The following MAP2 variants were observed in gnomAD, a reference collection of about 807,000 sequenced individuals.
MAP2 encodes the protein microtubule-associated protein 2.
Under a neutral mutation model 137.6 loss-of-function variants are expected in MAP2, and 14 were observed. The observed-to-expected ratio is 0.10, with a 90% CI of 0.07 to 0.16. The LOEUF (loss-of-function observed/expected upper bound fraction) is 0.16, where lower values mean the gene tolerates loss of function less well. MAP2 is among the 10% of genes least tolerant of loss of function. The pLI is 1.00. For missense variants in MAP2, 2,088 were observed against 2,191.5 expected, an observed-to-expected ratio of 0.95 and a Z score of 0.94; for synonymous variants, 786 against 782.3, an observed-to-expected ratio of 1.00 and a Z score of -0.08.
At chr2:209,611,567 C>G (rs1022311588) in intron 3 of MAP2, among the ~76,000 whole-genome samples, 1 of 151,920 alleles carries the variant, frequency 6.6e-6, no homozygotes. Context: ...TGTTAATACT[C>G]TGTCATAAAG....
intron 5 of MAP2, among the ~76,000 whole-genome samples, chr2:209,658,031 T>C (rs1472720900): frequency 6.6e-6 from 1 of 152,198 alleles, no homozygotes; most frequent in Admixed American, 6.5e-5. Flanking sequence ...GGAATGCATT[T>C]TGGTCCCCAC....
At chr2:209,596,372 A>G (rs940853365) in intron 3 of MAP2, among the ~76,000 whole-genome samples, 17 of 152,240 alleles carry the variant, frequency 1.1e-4, no homozygotes, top group African/African-American at 3.9e-4. Flanking sequence ...TGTATGCAGC[A>G]TGATGCATCT....
intron 2 of MAP2, among the ~76,000 whole-genome samples, chr2:209,562,330 AT>A (rs1047613601): frequency 9.2e-5 from 14 of 151,978 alleles, no homozygotes; most frequent in Non-Finnish European, 2.1e-4. Flanking sequence ...GTAAGATATC[AT>A]TTTCCCCTTT....
intron 4 of MAP2, among the ~76,000 whole-genome samples, chr2:209,644,859 G>T (rs114436833): frequency 0.018 from 2,680 of 150,344 alleles, 80 homozygotes; most frequent in African/African-American, 0.064. Context: ...TGAGAAAATT[G>T]TTTCTTTTTT....
chr2:209,610,894 C>T (rs527770826), intron 3 of MAP2, among the ~76,000 whole-genome samples: 1 of 151,990 alleles, frequency 6.6e-6, no homozygotes, highest in Non-Finnish European at 1.5e-5. Flanking sequence ...ATGAATGGGA[C>T]CCAGGAAGCT....
intron 2 of MAP2, among the ~76,000 whole-genome samples, chr2:209,555,663 A>G (rs2070394011): frequency 1.3e-5 from 2 of 152,176 alleles, no homozygotes. Context: ...TCTTTTATTT[A>G]TCCATTCAGC....
intron 1 of MAP2, among the ~76,000 whole-genome samples, chr2:209,446,686 A>G (rs1443757798): frequency 6.6e-5 from 10 of 151,852 alleles, no homozygotes; most frequent in Admixed American, 6.6e-4. Context: ...TCCCCACCCC[A>G]TTTTGAATAA....
intron 4 of MAP2, among the ~76,000 whole-genome samples, chr2:209,644,836 A>C (rs1481357160): frequency 6.6e-6 from 1 of 152,176 alleles, no homozygotes; most frequent in African/African-American, 2.4e-5. Flanking sequence ...TCAAAATTTT[A>C]AATGAGTAGA....
At chr2:209,730,032 A>G in intron 15 of MAP2, 70 bp downstream of exon 15, 2 of 1,270,112 alleles carry the variant, frequency 1.6e-6, no homozygotes, top group Non-Finnish European at 2.3e-6. Context: ...CTTCATCAAA[A>G]TAGGTCCCAG....
intron 2 of MAP2, among the ~76,000 whole-genome samples, chr2:209,551,407 T>C (rs1427201546): frequency 1.3e-5 from 2 of 152,172 alleles, no homozygotes; most frequent in Non-Finnish European, 2.9e-5. Flanking sequence ...TCATAGTGCA[T>C]TATTCACCCT....
intron 13 of MAP2, chr2:209,710,552 A>C: frequency 3.8e-6 from 1 of 262,366 alleles, no homozygotes; most frequent in East Asian, 7.9e-5. Flanking sequence ...TTTTAACTTG[A>C]GATTAAAGTT....
At chr2:209,606,282 TATAAA>T (rs1283904597) in intron 3 of MAP2, among the ~76,000 whole-genome samples, 1 of 152,156 alleles carries the variant, frequency 6.6e-6, no homozygotes, top group African/African-American at 2.4e-5. Context: ...TGGTTAAAAA[TATAAA>T]AGAAAAACTT....
intron 4 of MAP2, among the ~76,000 whole-genome samples, chr2:209,633,433 C>G (rs1472338542): frequency 1.3e-5 from 2 of 152,170 alleles, no homozygotes; most frequent in Non-Finnish European, 2.9e-5. Flanking sequence ...AAAAGTTTCA[C>G]CGCTTCCAAA....
intron 2 of MAP2, among the ~76,000 whole-genome samples, chr2:209,517,307 C>A (rs1328881650): frequency 1.3e-5 from 2 of 152,002 alleles, no homozygotes; most frequent in African/African-American, 4.8e-5. Context: ...TAACTTTGTG[C>A]TTAGAAAATA....
intron 2 of MAP2, among the ~76,000 whole-genome samples, chr2:209,544,261 A>C (rs1316817243): frequency 2.0e-5 from 3 of 151,888 alleles, no homozygotes; most frequent in Admixed American, 2.0e-4. Context: ...GGAAGAAAAC[A>C]ACCTTTTTAG....
chr2:209,554,262 C>T (rs2069942818), intron 2 of MAP2, among the ~76,000 whole-genome samples: 1 of 152,170 alleles, frequency 6.6e-6, no homozygotes, highest in African/African-American at 2.4e-5. Flanking sequence ...GCCTGTAACC[C>T]TTGGCAGCTA....
chr2:209,666,809 T>A (rs2046518136), intron 5 of MAP2, among the ~76,000 whole-genome samples: 1 of 152,044 alleles, frequency 6.6e-6, no homozygotes, highest in South Asian at 2.1e-4. Flanking sequence ...GAATTTAATT[T>A]TTTTTGATGT....
At position 209,693,337 on chromosome 2, in the gene MAP2, C is replaced by G; in HGVS notation, c.1167C>G (p.Thr389=). 9.3e-6 allele frequency: 15 copies of G among 1,613,278 alleles called. No homozygotes were observed. Among genetic ancestry groups the G allele is most frequent in the Non-Finnish European group, 1.3e-5 (15 of 1,179,826 alleles). ...MAEAPPSEAM[T]LPKDAHIPVV... Reference sequence around the variant, plus strand: ...AAGCACCACCCTCAGAGGCAATGACCTTACCCAAAGATGCTCACATTCCAG... The same window carrying G: ...AAGCACCACCCTCAGAGGCAATGACGTTACCCAAAGATGCTCACATTCCAG... Residue 389 remains threonine, a synonymous_variant, in exon 8 of 16, where the codon ACC becomes ACG. Coordinates refer to ENST00000682079, the MANE Select transcript of MAP2 (RefSeq NM_001375505.1).
chr2:209,690,768 C>G (rs1429760825), intron 7 of MAP2: 6 of 1,289,662 alleles, frequency 4.7e-6, no homozygotes, highest in Admixed American at 2.3e-5. Flanking sequence ...AGTGCCCCAG[C>G]AGGGGCCCCA....
Sources: allele counts gnomAD v4.1 joint callset (sites outside exome capture counted in the v4.1 genomes callset), GRCh38; gene constraint gnomAD v4.1.1; transcripts MANE v1.5; gene names NCBI Gene and HGNC (gene_info 2026-07-23, HGNC 2026-07-21).